Variants in TRAF2 observed in about 807,000 individuals in gnomAD.
TRAF2 encodes TNF receptor associated factor 2.
Under a neutral mutation model 55.6 loss-of-function variants are expected in TRAF2, and 6 were observed. That is an observed-to-expected ratio of 0.11 (90% CI 0.06 to 0.21). TRAF2 has a LOEUF of 0.21. Among genes scored for constraint, TRAF2 ranks in the 10% least tolerant of loss-of-function variants. The pLI, the probability that TRAF2 is intolerant of heterozygous loss-of-function variation, is 1.00. For synonymous variants in TRAF2, 329 were observed against 276.3 expected (o/e 1.19, Z -1.89); for missense variants, 561 against 684.5 (o/e 0.82, Z 2.01).
At chr9:136,900,023 C>T (rs753817707) in intron 3 of TRAF2, among the ~76,000 whole-genome samples, 7 of 152,040 alleles carry the variant, frequency 4.6e-5, no homozygotes, top group South Asian at 2.1e-4. Context: ...AAAAATTAGC[C>T]GGGTGTGGTG....
At chr9:136,885,316 C>A (rs1452091461), upstream of TRAF2, among the ~76,000 whole-genome samples, 1 of 152,122 alleles carries the variant, frequency 6.6e-6, no homozygotes, top group Non-Finnish European at 1.5e-5. Context: ...TCCTTCTCTG[C>A]AAAGCGGGGT....
chr9:136,910,722 CG>C (rs530805412), intron 6 of TRAF2, among the ~76,000 whole-genome samples: 34 of 152,330 alleles, frequency 2.2e-4, no homozygotes, highest in Admixed American at 2.0e-3. Context: ...GGCCTGCCCG[CG>C]GGCTCAGCCT....
intron 6 of TRAF2, among the ~76,000 whole-genome samples, chr9:136,911,844 C>CTTTT (rs1304459874): frequency 3.8e-4 from 19 of 50,368 alleles, no homozygotes; most frequent in African/African-American, 2.0e-3. Flanking sequence ...TTTCTCTTAT[C>CTTTT]TCTTTTTTTT....
intron 1 of TRAF2, among the ~76,000 whole-genome samples, chr9:136,891,386 G>C (rs1052908601): frequency 2.6e-5 from 4 of 152,138 alleles, no homozygotes; most frequent in Non-Finnish European, 5.9e-5. Context: ...GGGATTACAA[G>C]TGTGAGCCAC....
chr9:136,906,048 G>C (rs553130465), intron 4 of TRAF2, among the ~76,000 whole-genome samples: 3 of 152,262 alleles, frequency 2.0e-5, no homozygotes, highest in South Asian at 4.1e-4. Flanking sequence ...GAGGTTGCTG[G>C]TTGCAGTGAG....
At chr9:136,907,490 C>T (rs1165189751) in intron 4 of TRAF2, among the ~76,000 whole-genome samples, 1 of 152,252 alleles carries the variant, frequency 6.6e-6, no homozygotes, top group Non-Finnish European at 1.5e-5. Flanking sequence ...TGCAGCTAGA[C>T]CCAGCTCCTG....
rs1300010777 is a variant in TRAF2, at chr9:136,908,856, C to G, written c.528+625C>G. Among the ~76,000 whole-genome samples, 13 of 122,026 alleles carry G rather than the reference C, an allele frequency of 1.1e-4. No individual in the cohort carries two copies. The Admixed American group carries it at 1.4e-3, about 13-fold the overall frequency. 80.1% of individuals were successfully genotyped at this position (122,026 alleles called of 152,430 possible). ...CTGCACTCCAGCCCAGGCGACAGAGCGAGATTCCGTCTCGGAAAAAAAAAA... is the reference window on the plus strand; with the variant it reads ...CTGCACTCCAGCCCAGGCGACAGAGGGAGATTCCGTCTCGGAAAAAAAAAA... On this transcript the variant is annotated intron_variant, in intron 5 of 10. Transcript: ENST00000247668.
chr9:136,909,638 A>C (rs567379742), intron 5 of TRAF2, among the ~76,000 whole-genome samples: 5 of 151,956 alleles, frequency 3.3e-5, no homozygotes, highest in African/African-American at 1.2e-4. Flanking sequence ...CCCCATCTTC[A>C]CCGGGGCCGT....
At position 136,911,264 on chromosome 9, in the gene TRAF2, C is replaced by CTTTTT. The variant is rs34077067; in HGVS notation, c.603+1286_603+1290dup. ...CATGGTGCATTTTCATCCTTCCCGT[C>CTTTTT]TTTTTTTTTTTTTTTTTTTTGGAGA... On this transcript the variant is annotated intron_variant, in intron 6 of 10. Transcript: ENST00000247668. Among the ~76,000 whole-genome samples the CTTTTT allele has an allele frequency of 9.2e-4, 113 of 122,536 alleles. 1 individual carries two copies. The highest frequency in any genetic ancestry group is 3.4e-3 in the African/African-American group (109 of 31,656). 80.4% of individuals were successfully genotyped at this position (122,536 alleles called of 152,430 possible).
chr9:136,899,295 G>GC (rs1849760025), intron 2 of TRAF2, among the ~76,000 whole-genome samples: 1 of 152,180 alleles, frequency 6.6e-6, no homozygotes, highest in Admixed American at 6.5e-5. Context: ...GAGAGGTGTG[G>GC]CCTGTGCACA....
At chr9:136,893,124 T>C (rs1399003468) in intron 1 of TRAF2, among the ~76,000 whole-genome samples, 1 of 152,072 alleles carries the variant, frequency 6.6e-6, no homozygotes, top group Non-Finnish European at 1.5e-5. Flanking sequence ...ATCTGTGAGC[T>C]CCGGAACATC....
intron 4 of TRAF2, among the ~76,000 whole-genome samples, chr9:136,903,768 G>A (rs933239060): frequency 6.6e-6 from 1 of 151,752 alleles, no homozygotes; most frequent in Non-Finnish European, 1.5e-5. Flanking sequence ...TGCAAGCTCC[G>A]CCTCCCGGGT....
chr9:136,898,236 C>T (rs185358125), intron 1 of TRAF2, among the ~76,000 whole-genome samples: 1 of 152,228 alleles, frequency 6.6e-6, no homozygotes, highest in Non-Finnish European at 1.5e-5. Context: ...TGAGTGCCAG[C>T]AGGCAGGCGT....
At chr9:136,882,869 G>A (rs535124685), upstream of TRAF2, 8 of 386,930 alleles carry the variant, frequency 2.1e-5, no homozygotes, top group African/African-American at 6.6e-5. Context: ...TTACAGGCCT[G>A]TCATCACAAT....
At chr9:136,900,386 G>A (rs1849789887) in intron 3 of TRAF2, 36 bp from the exon 4 acceptor site, 1 of 1,486,438 alleles carries the variant, frequency 6.7e-7, no homozygotes, top group Non-Finnish European at 9.1e-7. Flanking sequence ...GGGAGTCTGG[G>A]AGGAGGTTTA....
At position 136,925,990 on chromosome 9, in the gene TRAF2, A is replaced by T; in HGVS notation, c.*89A>T. The T allele has an allele frequency of 6.6e-7, 1 of 1,516,212 alleles. No individual in the cohort carries two copies. The highest frequency in any genetic ancestry group is 9.1e-7 in the Non-Finnish European group (1 of 1,100,726). The allele number at this position is 1,516,212 out of a possible 1,614,324, so 93.9% of individuals were successfully genotyped here. On this transcript the variant is annotated 3_prime_UTR_variant, in exon 11 of 11. Coordinates refer to ENST00000247668, the MANE Select transcript of TRAF2 (RefSeq NM_021138.4). Reference sequence around the variant, plus strand: ...CCACGCTGGGCCAGGGTCTCACTGTACAAGTGGGCAGGGGCCGCGCTTGGG... The same window carrying T: ...CCACGCTGGGCCAGGGTCTCACTGTTCAAGTGGGCAGGGGCCGCGCTTGGG...
At chr9:136,896,245 T>A (rs913397182) in intron 1 of TRAF2, among the ~76,000 whole-genome samples, 2 of 152,208 alleles carry the variant, frequency 1.3e-5, no homozygotes, top group Non-Finnish European at 2.9e-5. Context: ...GAGCTAGCCC[T>A]GGCCCTCGGG....
intron 4 of TRAF2, among the ~76,000 whole-genome samples, chr9:136,906,595 G>C (rs1018068244): frequency 2.6e-5 from 4 of 152,146 alleles, no homozygotes; most frequent in African/African-American, 9.7e-5. Flanking sequence ...TGAGATTTGG[G>C]TGGGGACACA....
In TRAF2 at chr9:136,920,391, C is replaced by T. The variant is rs201077633; in HGVS notation, c.836C>T (p.Thr279Met). 1.6e-5 allele frequency: 26 copies of T among 1,614,146 alleles called. No individual in the cohort carries two copies. The highest frequency in any genetic ancestry group is 1.1e-4 in the East Asian group (5 of 44,896). The part of the protein sequence containing the change: ...LQRCESLEKK[T>M]ATFENIVCVL... ...AGGTGCGAGAGCCTGGAGAAGAAGACGGCCACTTTTGAGAACATTGTCTGC... is the reference window on the plus strand; with the variant it reads ...AGGTGCGAGAGCCTGGAGAAGAAGATGGCCACTTTTGAGAACATTGTCTGC... Residue 279 changes from threonine to methionine, a missense_variant, in exon 8 of 11, where the codon ACG becomes ATG. Coordinates refer to ENST00000247668, the MANE Select transcript of TRAF2 (RefSeq NM_021138.4).
Sources: gnomAD v4.1 joint callset for allele counts (sites outside exome capture counted in the v4.1 genomes callset) on GRCh38, gnomAD v4.1.1 for gene constraint, MANE v1.5 for transcripts, NCBI Gene and HGNC (gene_info 2026-07-23, HGNC 2026-07-21) for gene names.